The following PLXNA3 variants were observed in gnomAD, a reference collection of about 807,000 sequenced individuals.
PLXNA3 encodes the protein plexin-A3.
In PLXNA3, 52 loss-of-function variants were observed where a neutral mutation model predicts 118.8. The observed-to-expected ratio is 0.44, with a 90% CI of 0.35 to 0.55. PLXNA3 has a LOEUF of 0.55. Ranked by LOEUF, PLXNA3 falls within the 20% of genes least tolerant of loss-of-function variation. PLXNA3 has a pLI of 0.01. For synonymous variants in PLXNA3, 925 were observed against 762.4 expected (o/e 1.21, Z -3.51); for missense variants, 1,660 against 1,730.8 (o/e 0.96, Z 0.73).
rs2069235597 is a variant in PLXNA3, at chrX:154,476,287, T to C, written c.*3602T>C. On this transcript the variant is annotated 3_prime_UTR_variant, in exon 33 of 33. Transcript: ENST00000369682. ...GCCTCACCAACATGGAGAAACCCTG[T>C]GTCTACTAAAAATACAAAATTAGCT... is the stretch of plus-strand genomic sequence containing the variant. 1 of 110,405 alleles carries C rather than the reference T, an allele frequency of 9.1e-6. No individual in the cohort carries two copies. Among genetic ancestry groups the C allele is most frequent in the African/African-American group, 3.3e-5 (1 of 30,282 alleles). 9.1% of individuals were successfully genotyped at this position (110,405 alleles called of 1,213,427 possible). A position where few individuals can be genotyped will look rare whatever the true frequency, so the allele number is the denominator to read the frequency against.
Position 154,464,826 on chromosome X carries a change from C to T in PLXNA3, c.2001C>T (p.Pro667=), listed in dbSNP as rs1557206394. Residue 667 remains proline (P), a synonymous_variant, in exon 10 of 33, where the codon CCC becomes CCT. Coordinates refer to ENST00000369682, the MANE Select transcript of PLXNA3 (RefSeq NM_017514.5). ...CKYRHTCTSR[P]HECSFQEGRV... ...ACCGCCACACGTGTACCAGCCGCCC[C>T]CACGAGTGCTCCTTCCAGGAGGGCA... 6.6e-6 allele frequency: 8 copies of T among 1,207,699 alleles called. No homozygotes were observed. Among genetic ancestry groups the T allele is most frequent in the Middle Eastern group, 2.3e-4 (1 of 4,333 alleles).
rs782807457 is a variant in PLXNA3, at chrX:154,463,939, G to A, written c.1548-12G>A. The stretch of plus-strand genomic sequence containing the variant: ...GCAGTGGCGGGACCGGCTCTGGCCC[G>A]ACCCCGTGCAGGTGCTGCCGCGAAG... On this transcript the variant is annotated splice_polypyrimidine_tract_variant and intron_variant, in intron 6 of 32. Coordinates refer to ENST00000369682, the MANE Select transcript of PLXNA3 (RefSeq NM_017514.5). 9.7e-5 allele frequency: 112 copies of A among 1,160,464 alleles called. No homozygotes were observed. Among genetic ancestry groups the A allele is most frequent in the Middle Eastern group, 6.3e-4 (2 of 3,150 alleles).
Position 154,466,026 on chromosome X carries a change from G to T in PLXNA3, c.2624G>T (p.Arg875Leu), listed in dbSNP as rs371910096. ...CTCTTGTCCCGAGAGGTGGGCCTGCGGGTGGCTGGCGTGCGTTGCAACTCC... is the reference window on the plus strand; with the variant it reads ...CTCTTGTCCCGAGAGGTGGGCCTGCTGGTGGCTGGCGTGCGTTGCAACTCC... The part of the protein sequence containing the change: ...LGLLSREVGL[R>L]VAGVRCNSIP... Residue 875 changes from arginine to leucine, a missense_variant, in exon 14 of 33, where the codon CGG (arginine) becomes CTG (leucine). Physicochemically the swap from Arg to Leu is moderately radical, Grantham distance 102. Coordinates refer to ENST00000369682, the MANE Select transcript of PLXNA3 (RefSeq NM_017514.5). The T allele has an allele frequency of 2.5e-6, 3 of 1,210,549 alleles. No individual in the cohort carries two copies. Among genetic ancestry groups the T allele is most frequent in the Admixed American group, 4.3e-5 (2 of 46,052 alleles).
At position 154,468,176 on chromosome X, in the gene PLXNA3, C is replaced by T. The variant is rs782648669; in HGVS notation, c.3915C>T (p.Arg1305=). The T allele has an allele frequency of 8.4e-6, 10 of 1,186,635 alleles. No homozygotes were observed. The South Asian group carries it at 9.5e-5, about 11-fold the overall frequency. The change falls in exon 22 of 33, where the codon CGC becomes CGT. Residue 1305 remains arginine (R), a synonymous_variant. Coordinates refer to ENST00000369682, the MANE Select transcript of PLXNA3 (RefSeq NM_017514.5). Reference sequence around the variant, plus strand: ...TGGACTACCGGACTTACGCCGTGCGCGTGCTCTTCCCGGGCATCGAGGCCC... The same window carrying T: ...TGGACTACCGGACTTACGCCGTGCGTGTGCTCTTCCCGGGCATCGAGGCCC... ...PFLDYRTYAV[R]VLFPGIEAHP...
chrX:154,462,412 G>C, intron 4 of PLXNA3, 102 bp downstream of exon 4: 3 of 622,382 alleles, frequency 4.8e-6, no homozygotes, highest in Admixed American at 4.8e-5. Context: ...GGACAGGAGA[G>C]GACACGGCTG....
Position 154,460,777 on chromosome X carries a change from C to G in PLXNA3, c.594C>G (p.Leu198=), listed in dbSNP as rs6643608. 1.3e-5 allele frequency: 14 copies of G among 1,087,226 alleles called. No individual in the cohort carries two copies. Among genetic ancestry groups the G allele is most frequent in the South Asian group, 2.2e-5 (1 of 44,802 alleles). The allele number at this position is 1,087,226 out of a possible 1,213,427, so 89.6% of individuals were successfully genotyped here. ...AAGACAGCGCGGACATGTTCAGTCT[C>G]GTGCGTGAGCCTTCCTTCTCTTCTT... is the stretch of plus-strand genomic sequence containing the variant. ...SDEDSADMFS[L]VYQDEFVSSQ... Residue 198 remains leucine (L), a splice_region_variant and synonymous_variant, in exon 2 of 33, where the codon CTC becomes CTG. Coordinates refer to ENST00000369682, the MANE Select transcript of PLXNA3 (RefSeq NM_017514.5).
At position 154,460,739 on chromosome X, in the gene PLXNA3, C is replaced by G. The variant is rs782116978; in HGVS notation, c.556C>G (p.Leu186Val). ...EYFPTLSSRK[L>V]ISDEDSADMF... ...CTTCCCCACCTTGAGCTCCCGCAAG[C>G]TCATCAGTGATGAAGACAGCGCGGA... The change falls in exon 2 of 33, where the codon CTC (leucine) becomes GTC (valine). Residue 186 changes from leucine to valine, a missense_variant. By Grantham distance (32) the Leu-to-Val change is conservative. Around this residue, in one of 2 missense-constraint regions of PLXNA3, gnomAD observed 791 missense variants for 652.1 expected, o/e 1.21. Coordinates refer to ENST00000369682, the MANE Select transcript of PLXNA3 (RefSeq NM_017514.5). 3.5e-6 allele frequency: 4 copies of G among 1,133,265 alleles called. No homozygotes were observed. Among genetic ancestry groups the G allele is most frequent in the Admixed American group, 2.9e-5 (1 of 34,032 alleles). 93.4% of individuals were successfully genotyped at this position (1,133,265 alleles called of 1,213,427 possible).
rs1557203438 is a variant in PLXNA3, at chrX:154,460,458, C to T, written c.275C>T (p.Pro92Leu). 8.3e-7 allele frequency: 1 copy of T among 1,205,192 alleles called. No homozygotes were observed. The highest frequency in any genetic ancestry group is 1.8e-5 in the South Asian group (1 of 56,474). ...CGCGTGTGTGCCCACCGCCTGGCCC[C>T]CGTGGACAACATCAACAAGCTGCTG... Reference protein sequence around the residue: ...SMRVCAHRLAPVDNINKLLLI... With the variant: ...SMRVCAHRLALVDNINKLLLI... Residue 92 changes from proline to leucine, a missense_variant, in exon 2 of 33, where the codon CCC (proline) becomes CTC (leucine). This residue lies in a region of PLXNA3 where 791 missense variants were observed against 652.1 expected (regional missense o/e 1.21). Coordinates refer to ENST00000369682, the MANE Select transcript of PLXNA3 (RefSeq NM_017514.5).
rs782583706 is a variant in PLXNA3, at chrX:154,466,560, C to T, written c.2936+48C>T. The T allele has an allele frequency of 7.6e-6, 9 of 1,189,041 alleles. No homozygotes were observed. In the South Asian group the frequency reaches 1.1e-4, roughly 15 times the overall value. On this transcript the variant is annotated intron_variant, in intron 16 of 32. Transcript: ENST00000369682. ...TTGGGTTGGGCATCGTGTGGGGGGC[C>T]GTGGGGACGGGTGGCTGAGGGCCCT...
chrX:154,469,949 T>A lies in PLXNA3; in HGVS notation c.4796-28T>A, dbSNP rs191879459. The A allele has an allele frequency of 3.1e-3, 3,778 of 1,200,672 alleles. 29 individuals are homozygous for A. Among genetic ancestry groups the A allele is most frequent in the South Asian group, 0.023 (1,294 of 56,318 alleles). On this transcript the variant is annotated intron_variant, in intron 28 of 32. Transcript: ENST00000369682. ...GTGGGGCAGGGGCCAGGTGGTGGCC[T>A]AAGGGTCACATGCATTCTCTGCTCC...
chrX:154,462,405 CAGGAG>C, intron 4 of PLXNA3, 95 bp downstream of exon 4: 2 of 662,383 alleles, frequency 3.0e-6, no homozygotes, highest in Non-Finnish European at 4.2e-6. Flanking sequence ...GAGGACAGGA[CAGGAG>C]AGGACACGGC....
chrX:154,460,699 C>A lies in PLXNA3; in HGVS notation c.516C>A (p.Asp172Glu), dbSNP rs200868961. The stretch of plus-strand genomic sequence containing the variant: ...AGCTGTTTGTGGGCACTGCTGTCGA[C>A]GGCAAGTCGGAGTACTTCCCCACCT... ...PSKLFVGTAVDGKSEYFPTLS... is the reference protein window; with the variant it reads ...PSKLFVGTAVEGKSEYFPTLS... The change falls in exon 2 of 33, where the codon GAC becomes GAA. Residue 172 changes from aspartate (D) to glutamate (E), a missense_variant. Coordinates refer to ENST00000369682, the MANE Select transcript of PLXNA3 (RefSeq NM_017514.5). 8.7e-7 allele frequency: 1 copy of A among 1,146,668 alleles called. No individual in the cohort carries two copies. The highest frequency in any genetic ancestry group is 1.2e-6 in the Non-Finnish European group (1 of 867,064). 94.5% of individuals were successfully genotyped at this position (1,146,668 alleles called of 1,213,427 possible).
In PLXNA3 at chrX:154,461,540, A is replaced by G. The variant is rs1557204516; in HGVS notation, c.1036A>G (p.Asn346Asp). Reference protein sequence around the residue: ...ILCLFTLSNINAHIRRRIQSC... With the variant: ...ILCLFTLSNIDAHIRRRIQSC... Reference sequence around the variant, plus strand: ...CTGCCTCTTCACCCTCAGCAACATCAATGCCCACATCCGGCGCCGCATCCA... The same window carrying G: ...CTGCCTCTTCACCCTCAGCAACATCGATGCCCACATCCGGCGCCGCATCCA... The change falls in exon 3 of 33, where the codon AAT becomes GAT. Residue 346 changes from asparagine to aspartate, a missense_variant. Asn to Asp is a conservative substitution (Grantham distance 23, BLOSUM62 1). Coordinates refer to ENST00000369682, the MANE Select transcript of PLXNA3 (RefSeq NM_017514.5). 1 of 1,210,205 alleles carries G rather than the reference A, an allele frequency of 8.3e-7. No individual in the cohort carries two copies. Among genetic ancestry groups the G allele is most frequent in the East Asian group, 3.0e-5 (1 of 33,823 alleles).
chrX:154,462,133 G>T lies in PLXNA3; in HGVS notation c.1140G>T (p.Met380Ile). The change falls in exon 4 of 33, where the codon ATG (methionine) becomes ATT (isoleucine). Residue 380 changes from methionine to isoleucine, a missense_variant. Physicochemically the swap from Met to Ile is conservative, Grantham distance 10 (BLOSUM62 1). Coordinates refer to ENST00000369682, the MANE Select transcript of PLXNA3 (RefSeq NM_017514.5). ...NKELPCINTP[M>I]QINGNFCGLV... ...TTCCTCCTCTGTTTCACCAGCCCAT[G>T]CAGATCAACGGCAACTTCTGTGGGC... is the stretch of plus-strand genomic sequence containing the variant. The T allele has an allele frequency of 4.2e-6, 5 of 1,191,645 alleles. No homozygotes were observed. Among genetic ancestry groups the T allele is most frequent in the Non-Finnish European group, 5.7e-6 (5 of 884,871 alleles).
At chrX:154,466,539 G>A in intron 16 of PLXNA3, 27 bp downstream of exon 16, 4 of 1,198,389 alleles carry the variant, frequency 3.3e-6, no homozygotes, top group Non-Finnish European at 3.4e-6. Context: ...CCAGCTTTGG[G>A]TTGGGCATCG....
rs953612591 is a variant in PLXNA3, at chrX:154,467,903, C to A, written c.3722C>A (p.Ala1241Asp). The A allele has an allele frequency of 8.3e-7, 1 of 1,209,808 alleles. No individual in the cohort carries two copies. Among genetic ancestry groups the A allele is most frequent in the Admixed American group, 2.2e-5 (1 of 46,082 alleles). Reference sequence around the variant, plus strand: ...CTGGCCATCACAGCCGTGCTGGTGGCCTACAAGCGCAAGACTCAGGACGCG... The same window carrying A: ...CTGGCCATCACAGCCGTGCTGGTGGACTACAAGCGCAAGACTCAGGACGCG... Reference protein sequence around the residue: ...LLLAITAVLVAYKRKTQDADR... With the variant: ...LLLAITAVLVDYKRKTQDADR... The change falls in exon 21 of 33, where the codon GCC (alanine) becomes GAC (aspartate). Residue 1241 changes from alanine to aspartate, a missense_variant. Ala to Asp is a moderately radical substitution (Grantham distance 126). This residue lies in a region of PLXNA3 where 869 missense variants were observed against 1,078.7 expected (regional missense o/e 0.81). Coordinates refer to ENST00000369682, the MANE Select transcript of PLXNA3 (RefSeq NM_017514.5).
intron 3 of PLXNA3, 44 bp downstream of exon 3, chrX:154,461,682 G>A: frequency 1.3e-5 from 14 of 1,106,974 alleles, no homozygotes; most frequent in Non-Finnish European, 1.6e-5. Flanking sequence ...CCCTGTCCCA[G>A]GTCTACCATG....
chrX:154,465,341 T>G (rs2069061976), intron 11 of PLXNA3, 83 bp from the exon 12 acceptor site: 2 of 1,033,446 alleles, frequency 1.9e-6, no homozygotes, highest in East Asian at 6.1e-5. Flanking sequence ...TTCCTGTACC[T>G]GGAGGAGGGG....
In PLXNA3 at chrX:154,468,360, G is replaced by A. The variant is rs782131554; in HGVS notation, c.4021G>A (p.Ala1341Thr). ...CTTCGGGCAGCTGCTGCACAGCCGC[G>A]CGTTCGTGCTTACCTTCATCCACAC... ...RLFGQLLHSR[A>T]FVLTFIHTLE... Residue 1341 changes from alanine (A) to threonine (T), a missense_variant, in exon 23 of 33, where the codon GCG becomes ACG. Physicochemically the swap from Ala to Thr is moderately conservative, Grantham distance 58. Coordinates refer to ENST00000369682, the MANE Select transcript of PLXNA3 (RefSeq NM_017514.5). The A allele has an allele frequency of 3.3e-6, 4 of 1,210,228 alleles. No homozygotes were observed. Among genetic ancestry groups the A allele is most frequent in the South Asian group, 1.8e-5 (1 of 56,981 alleles).
Sources: gnomAD v4.1 joint callset for allele counts on GRCh38, gnomAD v4.1.1 for gene constraint, gnomAD v4.1.1 regional missense constraint, MANE v1.5 for transcripts, NCBI Gene and HGNC (gene_info 2026-07-23, HGNC 2026-07-21) for gene names.